Variants in FBXO11 observed in about 807,000 individuals in gnomAD.
The protein encoded by FBXO11 is F-box only protein 11.
Under a neutral mutation model 117.0 loss-of-function variants are expected in FBXO11, and 13 were observed. The ratio of observed to expected loss-of-function variants is 0.11; its 90% CI spans 0.07 to 0.18. FBXO11 has a LOEUF of 0.18. FBXO11 is among the 10% of genes least tolerant of loss of function. The probability of loss-of-function intolerance (pLI) is 1.00; values close to 1 mark genes in which losing one functional copy is unlikely to be tolerated. For missense variants in FBXO11, 767 were observed against 1,164.4 expected, an observed-to-expected ratio of 0.66 and a Z score of 4.97; for synonymous variants, 490 against 380.5, an observed-to-expected ratio of 1.29 and a Z score of -3.35.
chr2:47,869,341 T>A (rs780258821), intron 1 of FBXO11, among the ~76,000 whole-genome samples: 2 of 152,224 alleles, frequency 1.3e-5, no homozygotes, highest in Admixed American at 1.3e-4. Flanking sequence ...GGACTCCTTA[T>A]GCCTTTGAAT....
chr2:47,905,166 GCCA>G (rs1340077793), intron 1 of FBXO11: 1 of 193,896 alleles, frequency 5.2e-6, no homozygotes, highest in Non-Finnish European at 1.0e-5. Context: ...CTTCCCCCCG[GCCA>G]CCAACAGACT....
intron 1 of FBXO11, among the ~76,000 whole-genome samples, chr2:47,866,112 GGTGGCACACAACTGTA>G (rs1312498252): frequency 6.6e-6 from 1 of 151,832 alleles, no homozygotes; most frequent in Non-Finnish European, 1.5e-5. Context: ...GGCTGGGCAT[GGTGGCACACAACTGTA>G]GCAGCTACTT....
chr2:47,810,050 G>C, intron 19 of FBXO11: 1 of 491,914 alleles, frequency 2.0e-6, no homozygotes, highest in Non-Finnish European at 3.6e-6. Context: ...TATTCCTAGT[G>C]GTAATACAAG....
chr2:47,813,688 C>T, intron 17 of FBXO11, 103 bp downstream of exon 17: 1 of 917,844 alleles, frequency 1.1e-6, no homozygotes, highest in South Asian at 1.5e-5. Context: ...CCATCTCGGC[C>T]TCCCAAAGTG....
At chr2:47,870,395 A>G (rs1675536428) in intron 1 of FBXO11, among the ~76,000 whole-genome samples, 1 of 152,164 alleles carries the variant, frequency 6.6e-6, no homozygotes, top group Non-Finnish European at 1.5e-5. Context: ...GAACGTGGCC[A>G]TATTTGGAAA....
At chr2:47,829,484 GCCTGCT>G (rs1424687149) in intron 11 of FBXO11, among the ~76,000 whole-genome samples, 1 of 151,932 alleles carries the variant, frequency 6.6e-6, no homozygotes, top group Non-Finnish European at 1.5e-5. Flanking sequence ...CAGGTGATCT[GCCTGCT>G]CGGCCTCCCA....
At chr2:47,852,187 G>A (rs543163933) in intron 1 of FBXO11, among the ~76,000 whole-genome samples, 28 of 151,946 alleles carry the variant, frequency 1.8e-4, no homozygotes, top group African/African-American at 6.5e-4. Flanking sequence ...ACGGGGTTTC[G>A]CCATGTTGGC....
intron 18 of FBXO11, among the ~76,000 whole-genome samples, chr2:47,812,198 C>T (rs1041398151): frequency 2.1e-4 from 32 of 152,288 alleles, no homozygotes; most frequent in Non-Finnish European, 4.0e-4. Context: ...CTTTTGTTTA[C>T]GATGTGCTCC....
chr2:47,891,051 C>T (rs996765588), intron 1 of FBXO11, among the ~76,000 whole-genome samples: 10 of 151,690 alleles, frequency 6.6e-5, no homozygotes, highest in African/African-American at 2.4e-4. Context: ...ATCAAACTCC[C>T]GGGCTCAAGC....
chr2:47,892,765 A>G (rs1372487404), intron 1 of FBXO11, among the ~76,000 whole-genome samples: 1 of 152,252 alleles, frequency 6.6e-6, no homozygotes, highest in Admixed American at 6.5e-5. Flanking sequence ...CAATGAATGT[A>G]ACAGCCAAAA....
chr2:47,884,955 G>C (rs1305559057), intron 1 of FBXO11, among the ~76,000 whole-genome samples: 1 of 152,066 alleles, frequency 6.6e-6, no homozygotes, highest in East Asian at 1.9e-4. Context: ...ACTGATATCA[G>C]ACATCTATTA....
chr2:47,815,983 G>A (rs1377700302), intron 16 of FBXO11, among the ~76,000 whole-genome samples: 5 of 152,168 alleles, frequency 3.3e-5, no homozygotes, highest in Non-Finnish European at 5.9e-5. Flanking sequence ...TCCAGCACCC[G>A]ATGTGTTCAC....
rs1217784609 is a variant in FBXO11 at position 47,832,769 on chromosome 2, C to T, written c.1153G>A (p.Val385Ile). 6.2e-7 allele frequency: 1 copy of T among 1,611,388 alleles called. No individual in the cohort carries two copies. Among genetic ancestry groups the T allele is most frequent in the Non-Finnish European group, 8.5e-7 (1 of 1,177,632 alleles). Reference protein sequence around the residue: ...DHCIIRSTCTVGSAVCVSGQG... With the variant: ...DHCIIRSTCTIGSAVCVSGQG... The stretch of plus-strand genomic sequence containing the variant: ...TGTAAAATATAAAGAAAACACTAAC[C>T]TGTACATGTACTTCGGATGATACAG... Residue 385 changes from valine (V) to isoleucine (I), a missense_variant and splice_region_variant, in exon 9 of 23, where the codon GTT becomes ATT. By Grantham distance (29) the Val-to-Ile change is conservative. Coordinates refer to ENST00000403359, the MANE Select transcript of FBXO11 (RefSeq NM_001190274.2).
chr2:47,850,157 T>C (rs1233635646), intron 1 of FBXO11, among the ~76,000 whole-genome samples: 1 of 152,054 alleles, frequency 6.6e-6, no homozygotes, highest in African/African-American at 2.4e-5. Flanking sequence ...TGAGTGGGTA[T>C]GGTGGGCTGG....
chr2:47,812,914 A>C, intron 18 of FBXO11: 1 of 298,854 alleles, frequency 3.3e-6, no homozygotes, highest in Non-Finnish European at 6.4e-6. Context: ...TCTCACATCT[A>C]TTTCTATAAC....
intron 1 of FBXO11, among the ~76,000 whole-genome samples, chr2:47,887,213 A>G (rs1329734640): frequency 1.4e-5 from 2 of 139,918 alleles, no homozygotes; most frequent in Admixed American, 7.6e-5. Context: ...TCAGCCCAGG[A>G]GGTGGAGGTT....
chr2:47,857,801 A>G (rs1453463243), intron 1 of FBXO11, among the ~76,000 whole-genome samples: 1 of 152,230 alleles, frequency 6.6e-6, no homozygotes, highest in East Asian at 1.9e-4. Context: ...GCAGGACTAC[A>G]GAAATATTTT....
chr2:47,868,064 C>T (rs1260654690), intron 1 of FBXO11, among the ~76,000 whole-genome samples: 2 of 152,038 alleles, frequency 1.3e-5, no homozygotes, highest in Non-Finnish European at 2.9e-5. Context: ...ACTTAAGGCC[C>T]ACACAATCCT....
intron 1 of FBXO11, among the ~76,000 whole-genome samples, chr2:47,846,988 T>C (rs1673468608): frequency 6.6e-6 from 1 of 152,154 alleles, no homozygotes; most frequent in Non-Finnish European, 1.5e-5. Flanking sequence ...CTCACATCTG[T>C]AATCCCTGCA....
Sources: allele counts gnomAD v4.1 joint callset (sites outside exome capture counted in the v4.1 genomes callset), GRCh38; gene constraint gnomAD v4.1.1; transcripts MANE v1.5; gene names NCBI Gene and HGNC (gene_info 2026-07-23, HGNC 2026-07-21).